Variants in FAM98C observed in about 807,000 individuals in gnomAD.
FAM98C encodes tRNA splicing ligase complex subunit 3C.
FAM98C carries 38 observed loss-of-function variants against 41.1 expected under a neutral mutation model. The ratio of observed to expected loss-of-function variants is 0.92; its 90% CI spans 0.71 to 1.21. The LOEUF (loss-of-function observed/expected upper bound fraction) is 1.21, where lower values mean the gene tolerates loss of function less well. Among genes scored for constraint, FAM98C ranks in the 50% most tolerant of loss-of-function variants. The pLI is 0.00. For synonymous variants in FAM98C, 195 were observed against 216.7 expected (o/e 0.90, Z 0.88); for missense variants, 493 against 484.7 (o/e 1.02, Z -0.16).
In FAM98C at chr19:38,408,802, C is replaced by T. The variant is rs367871769; in HGVS notation, c.970C>T (p.Pro324Ser). ...DRGGRPNELE[P>S]PMPTWRSRRE... ...GGGGGGCCGCCCAAATGAGCTGGAG[C>T]CTCCCATGCCCACCTGGAGGAGCCG... The change falls in exon 8 of 8, where the codon CCT becomes TCT. Residue 324 changes from proline (P) to serine (S), a missense_variant. Physicochemically the swap from Pro to Ser is moderately conservative, Grantham distance 74. Coordinates refer to ENST00000252530, the MANE Select transcript of FAM98C (RefSeq NM_174905.4). 72 of 1,613,548 alleles carry T rather than the reference C, an allele frequency of 4.5e-5. No individual in the cohort carries two copies. The highest frequency in any genetic ancestry group is 5.7e-5 in the Non-Finnish European group (67 of 1,179,870).
chr19:38,405,682 G>C, intron 6 of FAM98C, 47 bp downstream of exon 6: 1 of 1,579,890 alleles, frequency 6.3e-7, no homozygotes, highest in Non-Finnish European at 8.7e-7. Flanking sequence ...CCCAGTTGTG[G>C]GGGCTGCAGT....
chr19:38,403,994 A>C (rs571841702), intron 3 of FAM98C, among the ~76,000 whole-genome samples: 2 of 152,100 alleles, frequency 1.3e-5, no homozygotes, highest in South Asian at 2.1e-4. Flanking sequence ...TCCACCTCCC[A>C]GGTTCAAGTG....
Position 38,408,877 on chromosome 19 carries a change from A to G in FAM98C, c.1045A>G (p.Lys349Glu). 6.4e-7 allele frequency: 1 copy of G among 1,572,220 alleles called. No individual in the cohort carries two copies. The highest frequency in any genetic ancestry group is 8.6e-7 in the Non-Finnish European group (1 of 1,163,594). The change falls in exon 8 of 8, where the codon AAG becomes GAG. Residue 349 changes from lysine to glutamate, a missense_variant. Physicochemically the swap from Lys to Glu is moderately conservative, Grantham distance 56. Transcript: ENST00000252530. ...TTGGGGTCGCAAGAAGAAGAAGAAG[A>G]AGTAAAGGGGGACTGGTGGTCGGGG... ...QCWGRKKKKKK is the reference protein window; with the variant it reads ...QCWGRKKKKKE
chr19:38,404,082 G>A (rs1361029246), intron 3 of FAM98C, among the ~76,000 whole-genome samples: 2 of 151,970 alleles, frequency 1.3e-5, no homozygotes, highest in Admixed American at 1.3e-4. Flanking sequence ...AGTAGAAACG[G>A]GGTTTCACCA....
chr19:38,408,384 C>A, intron 7 of FAM98C: 1 of 208,598 alleles, frequency 4.8e-6, no homozygotes. Context: ...ACGGTGAAAC[C>A]CTGTCTCTAC....
rs777253562 is a variant in FAM98C at position 38,406,968 on chromosome 19, AATCGGAC to A, written c.813_819del (p.Asp272ProfsTer92). On this transcript the variant is annotated frameshift_variant, in exon 7 of 8. Coordinates refer to ENST00000252530, the MANE Select transcript of FAM98C (RefSeq NM_174905.4). LOFTEE classifies it high-confidence loss of function. ...CCAATTCGAGAGGTTCTGACCCCAGAATCGGACATCTCCATTGCACACGTTCTGGCTG... is the reference window on the plus strand; with the variant it reads ...CCAATTCGAGAGGTTCTGACCCCAGAATCTCCATTGCACACGTTCTGGCTG... The A allele has an allele frequency of 1.2e-5, 20 of 1,614,066 alleles. No individual in the cohort carries two copies. Among genetic ancestry groups the A allele is most frequent in the Non-Finnish European group, 1.5e-5 (18 of 1,180,030 alleles).
intron 7 of FAM98C, 81 bp from the exon 8 acceptor site, chr19:38,408,670 C>T (rs1971088875): frequency 6.3e-7 from 1 of 1,587,832 alleles, no homozygotes; most frequent in Non-Finnish European, 8.6e-7. Flanking sequence ...CTTCTTCAGC[C>T]TCATGCTGTT....
chr19:38,405,854 C>T (rs954161272), intron 6 of FAM98C: 2 of 538,574 alleles, frequency 3.7e-6, no homozygotes, highest in African/African-American at 2.0e-5. Flanking sequence ...GAGGCATACC[C>T]CATCATTTTT....
rs751871392 is a variant in FAM98C, at chr19:38,406,902, C to A, written c.751-8C>A. On this transcript the variant is annotated splice_polypyrimidine_tract_variant and splice_region_variant and intron_variant, in intron 6 of 7. Transcript: ENST00000252530. ...AGGGTACCTTCTCTTACCTCCTCCC[C>A]ACTCCAGGCCCAAGGAGAGGCCATG... 2 of 1,612,550 alleles carry A rather than the reference C, an allele frequency of 1.2e-6. No individual in the cohort carries two copies. The highest frequency in any genetic ancestry group is 1.3e-5 in the African/African-American group (1 of 75,024).
In FAM98C at chr19:38,403,649, G is replaced by A; in HGVS notation, c.304G>A (p.Gly102Ser). 2 of 1,410,586 alleles carry A rather than the reference G, an allele frequency of 1.4e-6. No homozygotes were observed. Among genetic ancestry groups the A allele is most frequent in the Non-Finnish European group, 1.8e-6 (2 of 1,092,040 alleles). 87.4% of individuals were successfully genotyped at this position (1,410,586 alleles called of 1,614,324 possible). Residue 102 changes from glycine (G) to serine (S), a missense_variant, in exon 3 of 8, where the codon GGC (glycine) becomes AGC (serine). By Grantham distance (56) the Gly-to-Ser change is moderately conservative (BLOSUM62 0). Coordinates refer to ENST00000252530, the MANE Select transcript of FAM98C (RefSeq NM_174905.4). ...CPDRALCGGDGAAALREPGAG... is the reference protein window; with the variant it reads ...CPDRALCGGDSAAALREPGAG... ...GGATCGCGCGCTCTGCGGCGGGGAT[G>A]GCGCGGCTGCGCTTCGGGAACCCGG...
chr19:38,407,568 A>G (rs957355013), intron 7 of FAM98C: 2 of 158,910 alleles, frequency 1.3e-5, no homozygotes, highest in African/African-American at 4.8e-5. Flanking sequence ...ACGGGGTTTC[A>G]CCATATTGGT....
chr19:38,404,743 CT>C, intron 3 of FAM98C, 164 bp from the exon 4 acceptor site: 1 of 705,248 alleles, frequency 1.4e-6, no homozygotes, highest in South Asian at 1.6e-5. Flanking sequence ...GTTGGCCAGG[CT>C]GGTCTCCATC....
At position 38,405,613 on chromosome 19, in the gene FAM98C, TC is replaced by T; in HGVS notation, c.730del (p.His244ThrfsTer13). 3.7e-6 allele frequency: 6 copies of T among 1,614,144 alleles called. No homozygotes were observed. The highest frequency in any genetic ancestry group is 5.1e-6 in the Non-Finnish European group (6 of 1,180,034). On this transcript the variant is annotated frameshift_variant, in exon 6 of 8. Transcript: ENST00000252530. LOFTEE classifies it high-confidence loss of function. ...LKRLDLTTSA[F>X]HWSDRAEAQG... ...CGCCTTGACCTCACTACATCTGCTT[TC>T]CACTGGAGTGACCGGGCAGAGGTGT... is the stretch of plus-strand genomic sequence containing the variant.
intron 4 of FAM98C, 67 bp from the exon 5 acceptor site, chr19:38,405,277 G>T: frequency 6.4e-7 from 1 of 1,570,758 alleles, no homozygotes. Flanking sequence ...AGGGGTGTGG[G>T]GAGCTGAGTT....
chr19:38,403,311 C>G, intron 1 of FAM98C, 27 bp from the exon 2 acceptor site: 1 of 1,492,300 alleles, frequency 6.7e-7, no homozygotes, highest in Non-Finnish European at 8.8e-7. Context: ...ACATCCCCGC[C>G]CCCTCCCGCT....
intron 3 of FAM98C, 50 bp downstream of exon 3, chr19:38,403,744 G>A: frequency 7.3e-7 from 1 of 1,364,354 alleles, no homozygotes; most frequent in Non-Finnish European, 9.4e-7. Context: ...CGGAGCGGCG[G>A]GCTCTGACTT....
At chr19:38,406,742 G>A (rs1473325275) in intron 6 of FAM98C, 168 bp from the exon 7 acceptor site, 8 of 675,094 alleles carry the variant, frequency 1.2e-5, no homozygotes, top group Admixed American at 8.6e-5. Context: ...CCACCATCAC[G>A]CCACCACACT....
Position 38,403,188 on chromosome 19 carries a change from C to T in FAM98C, c.35C>T (p.Ala12Val). 6 of 1,537,908 alleles carry T rather than the reference C, an allele frequency of 3.9e-6. No individual in the cohort carries two copies. The highest frequency in any genetic ancestry group is 2.3e-5 in the Admixed American group (1 of 44,298). The change falls in exon 1 of 8, where the codon GCC becomes GTC. Residue 12 changes from alanine (A) to valine (V), a missense_variant. By Grantham distance (64) the Ala-to-Val change is moderately conservative. Coordinates refer to ENST00000252530, the MANE Select transcript of FAM98C (RefSeq NM_174905.4). Reference protein sequence around the residue: ...EAVKAEAWEGAAVAQDLLALG... With the variant: ...EAVKAEAWEGVAVAQDLLALG... ...GTGAAGGCGGAAGCGTGGGAGGGGG[C>T]CGCGGTGGCCCAGGACCTGCTGGCT...
At chr19:38,407,161 A>G in intron 7 of FAM98C, 84 bp downstream of exon 7, 1 of 1,505,484 alleles carries the variant, frequency 6.6e-7, no homozygotes, top group Non-Finnish European at 9.1e-7. Flanking sequence ...CAAGTTTCAG[A>G]CTTACCACCT....
Sources: gnomAD v4.1 joint callset for allele counts (sites outside exome capture counted in the v4.1 genomes callset) on GRCh38, gnomAD v4.1.1 for gene constraint, MANE v1.5 for transcripts, NCBI Gene and HGNC (gene_info 2026-07-23, HGNC 2026-07-21) for gene names.